The following ASCC3 variants were observed in gnomAD, a reference collection of about 807,000 sequenced individuals.
ASCC3 encodes the protein ASC-1 complex subunit P200.
Under a neutral mutation model 256.3 loss-of-function variants are expected in ASCC3, and 158 were observed. That is an observed-to-expected ratio of 0.62 (90% confidence interval 0.54 to 0.70). The LOEUF is 0.70. Ranked by LOEUF, ASCC3 falls within the 30% of genes least tolerant of loss-of-function variation. ASCC3 has a pLI of 0.00. For synonymous variants in ASCC3, 948 were observed against 883.4 expected, an observed-to-expected ratio of 1.07 and a Z score of -1.30; for missense variants, 2,259 against 2,626.0, an observed-to-expected ratio of 0.86 and a Z score of 3.05.
At chr6:100,667,303 T>A (rs565324250) in intron 14 of ASCC3, among the ~76,000 whole-genome samples, 1 of 152,230 alleles carries the variant, frequency 6.6e-6, no homozygotes, top group Non-Finnish European at 1.5e-5. Context: ...TATAAGTACC[T>A]AAGCTGGGAA....
chr6:100,517,399 A>C (rs139190274), intron 38 of ASCC3, among the ~76,000 whole-genome samples: 299 of 152,276 alleles, frequency 2.0e-3, no homozygotes, highest in African/African-American at 6.7e-3. Context: ...CTGGTGTGAA[A>C]GAAACATTTC....
intron 10 of ASCC3, among the ~76,000 whole-genome samples, chr6:100,764,669 T>C (rs903741736): frequency 3.2e-4 from 48 of 152,256 alleles, no homozygotes; most frequent in African/African-American, 1.1e-3. Context: ...AATCTATCAA[T>C]ATTTCTATTT....
chr6:100,676,266 T>C (rs1280079542), intron 14 of ASCC3, among the ~76,000 whole-genome samples: 1 of 152,206 alleles, frequency 6.6e-6, no homozygotes, highest in Non-Finnish European at 1.5e-5. Flanking sequence ...CCAAAATAAT[T>C]TCATACATCA....
chr6:100,761,157 C>A (rs937038273), intron 10 of ASCC3, among the ~76,000 whole-genome samples: 2 of 152,056 alleles, frequency 1.3e-5, no homozygotes, highest in Non-Finnish European at 2.9e-5. Context: ...CTTCAGAAAC[C>A]ACAGAGGTCA....
intron 36 of ASCC3, among the ~76,000 whole-genome samples, chr6:100,544,512 A>G (rs145217125): frequency 6.6e-6 from 1 of 152,108 alleles, no homozygotes; most frequent in Non-Finnish European, 1.5e-5. Context: ...ATACTAAAAT[A>G]ATAATTAAAA....
At chr6:100,763,790 T>TC (rs1721613484) in intron 10 of ASCC3, among the ~76,000 whole-genome samples, 2 of 152,136 alleles carry the variant, frequency 1.3e-5, no homozygotes, top group African/African-American at 2.4e-5. Context: ...AATGCAAATG[T>TC]CCCCCGCTTA....
chr6:100,555,920 CAGG>C (rs148511033), intron 36 of ASCC3, among the ~76,000 whole-genome samples: 62,177 of 151,776 alleles, frequency 0.41, 13,289 homozygotes, highest in South Asian at 0.62. Context: ...TGCTTGAGCC[CAGG>C]AGATGGAGGC....
At position 100,512,842 on chromosome 6, in the gene ASCC3, T is replaced by G; in HGVS notation, c.6152A>C (p.Glu2051Ala). The G allele has an allele frequency of 1.9e-6, 3 of 1,614,108 alleles. No homozygotes were observed. The highest frequency in any genetic ancestry group is 2.5e-6 in the Non-Finnish European group (3 of 1,179,984). ...TGAGACAGAGAGTTCATTATGTCCT[T>G]CAACTAAGTCATCCCACGAGCCTTT... is the stretch of plus-strand genomic sequence containing the variant. ...SVKGSWDDLVEGHNELSVSTL... is the reference protein window; with the variant it reads ...SVKGSWDDLVAGHNELSVSTL... Residue 2051 changes from glutamate (E) to alanine (A), a missense_variant, in exon 40 of 42, where the codon GAA becomes GCA. Glu to Ala is a moderately radical substitution (Grantham distance 107). Around this residue, in one of 2 missense-constraint regions of ASCC3, gnomAD observed 1,839 missense variants for 2,206.7 expected, o/e 0.83. Coordinates refer to ENST00000369162, the MANE Select transcript of ASCC3 (RefSeq NM_006828.4).
At chr6:100,731,582 G>A (rs980157063) in intron 10 of ASCC3, among the ~76,000 whole-genome samples, 1 of 152,162 alleles carries the variant, frequency 6.6e-6, no homozygotes, top group African/African-American at 2.4e-5. Flanking sequence ...CTTTATGTTC[G>A]TAAAGACAGT....
chr6:100,572,915 C>T (rs1770670455), intron 36 of ASCC3, among the ~76,000 whole-genome samples: 1 of 152,016 alleles, frequency 6.6e-6, no homozygotes, highest in African/African-American at 2.4e-5. Context: ...CATGTCAATG[C>T]TTTAAAATTT....
intron 4 of ASCC3, among the ~76,000 whole-genome samples, chr6:100,810,507 T>C (rs1201049543): frequency 1.3e-5 from 2 of 152,190 alleles, no homozygotes; most frequent in Admixed American, 1.3e-4. Context: ...TTCGTAACAG[T>C]ATTTTCTTTC....
chr6:100,539,504 T>G (rs978998640), intron 37 of ASCC3, among the ~76,000 whole-genome samples: 1 of 152,138 alleles, frequency 6.6e-6, no homozygotes, highest in Non-Finnish European at 1.5e-5. Context: ...CTGCAATACT[T>G]CTCACTTTTT....
At chr6:100,666,135 A>G (rs1261307582) in intron 14 of ASCC3, among the ~76,000 whole-genome samples, 2 of 152,154 alleles carry the variant, frequency 1.3e-5, no homozygotes, top group Non-Finnish European at 2.9e-5. Flanking sequence ...AAGTTGTTGC[A>G]TATATCAATA....
intron 37 of ASCC3, among the ~76,000 whole-genome samples, chr6:100,519,570 A>C (rs1774201494): frequency 6.6e-6 from 1 of 152,152 alleles, no homozygotes; most frequent in African/African-American, 2.4e-5. Context: ...CACAACTCTT[A>C]AGTCTTACAA....
rs1772480982 is a variant in ASCC3, at chr6:100,848,267, C to A, written c.682G>T (p.Glu228Ter). ...TTCAAAGTTGAATTTAGGTACTTTT[C>A]AACTTCACACCACAAAAAGGAGCCA... ...TNGSFLWCEV[E>*]KYLNSTLKEM... The change falls in exon 4 of 42, where the codon GAA becomes TAA. Residue 228 changes from glutamate to a stop codon, truncating the protein, a stop_gained. Coordinates refer to ENST00000369162, the MANE Select transcript of ASCC3 (RefSeq NM_006828.4). LOFTEE classifies it high-confidence loss of function. The A allele has an allele frequency of 4.3e-6, 7 of 1,614,064 alleles. No homozygotes were observed. The East Asian group carries it at 1.6e-4, about 36-fold the overall frequency.
chr6:100,854,539 A>G (rs2114520750), intron 3 of ASCC3, among the ~76,000 whole-genome samples: 1 of 152,028 alleles, frequency 6.6e-6, no homozygotes, highest in South Asian at 2.1e-4. Context: ...TATTTGTTAG[A>G]AAAAAATAGT....
At chr6:100,686,229 C>T (rs991228964) in intron 13 of ASCC3, among the ~76,000 whole-genome samples, 2 of 152,142 alleles carry the variant, frequency 1.3e-5, no homozygotes, top group Admixed American at 1.3e-4. Context: ...AGTAAGTGAT[C>T]AACAAATGTT....
chr6:100,670,167 AC>A (rs1467686436), intron 14 of ASCC3, among the ~76,000 whole-genome samples: 1 of 152,000 alleles, frequency 6.6e-6, no homozygotes, highest in Non-Finnish European at 1.5e-5. Flanking sequence ...GCTCAGTTTC[AC>A]TCATAATTAA....
chr6:100,630,225 T>C (rs1178138984), intron 26 of ASCC3, among the ~76,000 whole-genome samples: 1 of 152,094 alleles, frequency 6.6e-6, no homozygotes, highest in Non-Finnish European at 1.5e-5. Context: ...ACTTGGAAAA[T>C]AAGAAAAAGG....
Sources: allele counts gnomAD v4.1 joint callset (sites outside exome capture counted in the v4.1 genomes callset), GRCh38; gene constraint gnomAD v4.1.1; regional missense constraint gnomAD v4.1.1; transcripts MANE v1.5; gene names NCBI Gene and HGNC (gene_info 2026-07-23, HGNC 2026-07-21).